ANK3: variants seen among roughly 807,000 people sequenced by gnomAD.
ANK3 encodes ankyrin-3.
ANK3 carries 57 observed loss-of-function variants against 370.9 expected under a neutral mutation model. The ratio of observed to expected loss-of-function variants is 0.15; its 90% CI spans 0.12 to 0.19. ANK3 has a LOEUF of 0.19. Ranked by LOEUF, ANK3 falls within the 10% of genes least tolerant of loss-of-function variation. The probability of loss-of-function intolerance (pLI) is 1.00; values close to 1 mark genes in which losing one functional copy is unlikely to be tolerated. For synonymous variants in ANK3, 1,929 were observed against 1,946.3 expected, an observed-to-expected ratio of 0.99 and a Z score of 0.23; for missense variants, 4,439 against 5,302.1, an observed-to-expected ratio of 0.84 and a Z score of 5.06.
chr10:60,717,799 C>A (rs2079810960), intron 1 of ANK3, among the ~76,000 whole-genome samples: 1 of 152,106 alleles, frequency 6.6e-6, no homozygotes, highest in Admixed American at 6.5e-5. Context: ...AGATTGACAC[C>A]AAATTGGTGA....
At chr10:60,141,561 G>GGT (rs1554993126) in intron 23 of ANK3, among the ~76,000 whole-genome samples, 1 of 49,044 alleles carries the variant, frequency 2.0e-5, no homozygotes, top group Non-Finnish European at 3.6e-5. Context: ...TTCAATTGCT[G>GGT]TTTTTTTTTT....
intron 27 of ANK3, among the ~76,000 whole-genome samples, chr10:60,106,423 C>T (rs1387072813): frequency 3.3e-5 from 5 of 151,852 alleles, no homozygotes; most frequent in Admixed American, 1.3e-4. Context: ...TATACAAATG[C>T]TAATGATTTA....
Position 60,074,185 on chromosome 10 carries a change from C to G in ANK3, c.6696G>C (p.Arg2232=), listed in dbSNP as rs867427278. 3.1e-6 allele frequency: 5 copies of G among 1,613,970 alleles called. No homozygotes were observed. In the African/African-American group the frequency reaches 6.7e-5, roughly 22 times the overall value. The part of the protein sequence containing the change: ...KASSEEDDHN[R]VLSKGMRVKE... ...TAACACGCATGCCTTTGCTTAAAAC[C>G]CGATTGTGGTCATCTTCTTCACTAC... The change falls in exon 37 of 44, where the codon CGG becomes CGC. Residue 2232 remains arginine, a synonymous_variant. Coordinates refer to ENST00000280772, the MANE Select transcript of ANK3 (RefSeq NM_020987.5).
chr10:60,158,268 A>G (rs1278344367), intron 23 of ANK3, among the ~76,000 whole-genome samples: 3 of 152,210 alleles, frequency 2.0e-5, no homozygotes, highest in African/African-American at 7.2e-5. Context: ...ATGAGCAACA[A>G]GAAATCATTT....
intron 27 of ANK3, 111 bp from the exon 28 acceptor site, chr10:60,106,170 G>A: frequency 1.0e-6 from 1 of 966,660 alleles, no homozygotes; most frequent in Non-Finnish European, 1.5e-6. Context: ...GTGCCACTAA[G>A]GTTGGGAATG....
chr10:60,692,867 G>C (rs920390750), intron 1 of ANK3, among the ~76,000 whole-genome samples: 1 of 152,090 alleles, frequency 6.6e-6, no homozygotes, highest in African/African-American at 2.4e-5. Context: ...TATGGAAGCA[G>C]GTCAAAGAAT....
chr10:60,177,454 C>A (rs9783145), intron 18 of ANK3, among the ~76,000 whole-genome samples: 18 of 151,860 alleles, frequency 1.2e-4, no homozygotes, highest in Admixed American at 4.6e-4. Context: ...TCCTCTTTCC[C>A]CAGCTGGCTT....
chr10:60,073,512 T>G lies in ANK3; in HGVS notation c.7369A>C (p.Arg2457=), dbSNP rs762338658. The change falls in exon 37 of 44, where the codon AGA becomes CGA. Residue 2457 remains arginine (R), a synonymous_variant. Transcript: ENST00000280772. ...EYHDDELSEL[R]GESYRFAEKM... ...TCAGCAAACCTGTAAGACTCCCCTC[T>G]TAGTTCTGACAACTCATCGTCATGG... is the stretch of plus-strand genomic sequence containing the variant. 2 of 1,614,106 alleles carry G rather than the reference T, an allele frequency of 1.2e-6. No individual in the cohort carries two copies. The highest frequency in any genetic ancestry group is 8.5e-7 in the Non-Finnish European group (1 of 1,180,000).
At chr10:60,648,136 C>T (rs1176059816) in intron 1 of ANK3, among the ~76,000 whole-genome samples, 1 of 145,340 alleles carries the variant, frequency 6.9e-6, no homozygotes, top group Non-Finnish European at 1.5e-5. Context: ...TGAGCCACTG[C>T]GGCCAGCCTC....
intron 7 of ANK3, among the ~76,000 whole-genome samples, chr10:60,235,046 A>T (rs2097307244): frequency 6.6e-6 from 1 of 152,206 alleles, no homozygotes; most frequent in Admixed American, 6.5e-5. Context: ...ATGAAGTGAT[A>T]ATTTGTTTTT....
chr10:60,085,117 C>T (rs774055952), intron 31 of ANK3, 40 bp downstream of exon 31: 1 of 1,525,548 alleles, frequency 6.6e-7, no homozygotes, highest in Non-Finnish European at 9.0e-7. Flanking sequence ...GTAATAAAAA[C>T]TAATTCCTTA....
chr10:60,186,966 C>T (rs2096353456), intron 16 of ANK3, 54 bp from the exon 17 acceptor site: 2 of 1,514,434 alleles, frequency 1.3e-6, no homozygotes, highest in East Asian at 4.5e-5. Flanking sequence ...AAAATGTGCA[C>T]AGTGCATTTT....
In ANK3 at chr10:60,476,079, T is replaced by C. The variant is rs141956113; in HGVS notation, c.96+139107A>G. Reference sequence around the variant, plus strand: ...TTTTAATAATATTTTGTCTTCAACATTGAAGCCAGGAGCTAAGAGAAATGA... The same window carrying C: ...TTTTAATAATATTTTGTCTTCAACACTGAAGCCAGGAGCTAAGAGAAATGA... On this transcript the variant is annotated intron_variant, in intron 2 of 43. Transcript: ENST00000373827. Among the ~76,000 whole-genome samples, 982 of 152,304 alleles carry C rather than the reference T, an allele frequency of 6.4e-3. 7 individuals are homozygous for C. Among genetic ancestry groups the C allele is most frequent in the African/African-American group, 0.022 (925 of 41,566 alleles).
At chr10:60,670,859 T>C (rs1184891104) in intron 1 of ANK3, among the ~76,000 whole-genome samples, 5 of 152,222 alleles carry the variant, frequency 3.3e-5, no homozygotes, top group African/African-American at 7.2e-5. Context: ...CTGAAGGGGA[T>C]TGATCAGTTG....
At chr10:60,684,646 A>G in intron 1 of ANK3, 2 of 1,589,188 alleles carry the variant, frequency 1.3e-6, no homozygotes, top group African/African-American at 1.3e-5. Flanking sequence ...ATTTGTAAAT[A>G]CCGTACCTAC....
chr10:60,606,124 T>C (rs111462610), intron 2 of ANK3, among the ~76,000 whole-genome samples: 1,965 of 152,254 alleles, frequency 0.013, 38 homozygotes, highest in African/African-American at 0.045. Context: ...ATATTGACAA[T>C]TAGAAAAGGA....
intron 1 of ANK3, among the ~76,000 whole-genome samples, chr10:60,280,726 C>T (rs1405809202): frequency 1.3e-5 from 2 of 152,184 alleles, no homozygotes; most frequent in Non-Finnish European, 2.9e-5. Flanking sequence ...GTTATAAATG[C>T]AATCATGCAG....
Position 60,028,610 on chromosome 10 carries a change from C to G in ANK3, c.*1236G>C, listed in dbSNP as rs1173913217. 6.6e-6 allele frequency: 1 copy of G among 152,590 alleles called. No homozygotes were observed. The highest frequency in any genetic ancestry group is 2.4e-5 in the African/African-American group (1 of 41,424). 9.5% of individuals were successfully genotyped at this position (152,590 alleles called of 1,614,324 possible). ...GCCTTATTAACCTAATATGACACTG[C>G]TAGAATGGTTACAAATGATTGGCTT... On this transcript the variant is annotated 3_prime_UTR_variant, in exon 44 of 44. Coordinates refer to ENST00000280772, the MANE Select transcript of ANK3 (RefSeq NM_020987.5).
chr10:60,247,992 T>C (rs974430960), intron 7 of ANK3, among the ~76,000 whole-genome samples: 5 of 152,244 alleles, frequency 3.3e-5, no homozygotes, highest in African/African-American at 1.2e-4. Context: ...GGTTCATTCA[T>C]GCTGTAGCAT....
Sources: allele counts gnomAD v4.1 joint callset (sites outside exome capture counted in the v4.1 genomes callset), GRCh38; gene constraint gnomAD v4.1.1; transcripts MANE v1.5; gene names NCBI Gene and HGNC (gene_info 2026-07-23, HGNC 2026-07-21).